Variants in PADI6 observed in about 807,000 individuals in gnomAD.
PADI6 encodes the protein peptidyl arginine deiminase 6, also known as inactive protein-arginine deiminase type-6.
PADI6 carries 66 observed loss-of-function variants against 78.2 expected under a neutral mutation model. The ratio of observed to expected loss-of-function variants is 0.84; its 90% CI spans 0.69 to 1.04. The LOEUF (loss-of-function observed/expected upper bound fraction) is 1.04. Ranked by LOEUF, PADI6 falls within the 50% of genes least tolerant of loss-of-function variation. PADI6 has a pLI of 0.00. For synonymous variants in PADI6, 397 were observed against 346.9 expected, an observed-to-expected ratio of 1.14 and a Z score of -1.60; for missense variants, 854 against 866.1, an observed-to-expected ratio of 0.99 and a Z score of 0.18.
intron 8 of PADI6, 50 bp downstream of exon 8, chr1:17,388,930 C>A (rs2075155050): frequency 7.0e-7 from 1 of 1,428,520 alleles, no homozygotes; most frequent in Non-Finnish European, 9.8e-7. Flanking sequence ...TAACTGGCAC[C>A]CTCTTCTTTC....
At chr1:17,398,311 G>A (rs1486128079) in intron 14 of PADI6, among the ~76,000 whole-genome samples, 1 of 152,176 alleles carries the variant, frequency 6.6e-6, no homozygotes, top group Non-Finnish European at 1.5e-5. Flanking sequence ...TGTTGGGTAT[G>A]TGTCTGAAGC....
chr1:17,401,650 C>T lies in PADI6; in HGVS notation c.*212C>T, dbSNP rs1439962469. On this transcript the variant is annotated 3_prime_UTR_variant, in exon 16 of 16. Coordinates refer to ENST00000619609, the MANE Select transcript of PADI6 (RefSeq NM_207421.4). ...GGGGAAAAGATGCAAAAGTGTTCAGCCAAGTGACGTTTACTAAATAGCCAA... is the reference window on the plus strand; with the variant it reads ...GGGGAAAAGATGCAAAAGTGTTCAGTCAAGTGACGTTTACTAAATAGCCAA... The T allele has an allele frequency of 5.2e-6, 3 of 573,724 alleles. No individual in the cohort carries two copies. Among genetic ancestry groups the T allele is most frequent in the Non-Finnish European group, 9.3e-6 (3 of 323,068 alleles). 35.5% of individuals were successfully genotyped at this position (573,724 alleles called of 1,614,324 possible).
At chr1:17,381,334 G>C (rs2075071159) in intron 5 of PADI6, among the ~76,000 whole-genome samples, 170 bp downstream of exon 5, 1 of 152,112 alleles carries the variant, frequency 6.6e-6, no homozygotes, top group South Asian at 2.1e-4. Flanking sequence ...TGTATAATTG[G>C]GTAAGAGAAG....
chr1:17,387,322 A>G (rs1348718410), intron 6 of PADI6, among the ~76,000 whole-genome samples: 1 of 152,076 alleles, frequency 6.6e-6, no homozygotes, highest in Non-Finnish European at 1.5e-5. Context: ...GTGCACACCT[A>G]TAGTCCTAGC....
intron 15 of PADI6, among the ~76,000 whole-genome samples, chr1:17,400,189 C>T (rs936679741): frequency 6.8e-6 from 1 of 146,850 alleles, no homozygotes; most frequent in Admixed American, 6.9e-5. Flanking sequence ...AAACCAAGAC[C>T]TTGTCTGATA....
chr1:17,396,968 C>T, intron 13 of PADI6, 103 bp from the exon 14 acceptor site: 2 of 1,064,754 alleles, frequency 1.9e-6, no homozygotes, highest in Non-Finnish European at 2.8e-6. Flanking sequence ...GGTCACTGGC[C>T]CAGGAATGCA....
rs747066917 is a variant in PADI6 at position 17,382,073 on chromosome 1, G to C, written c.660G>C (p.Ala220=). 2.5e-6 allele frequency: 4 copies of C among 1,613,808 alleles called. No homozygotes were observed. In the African/African-American group the frequency reaches 5.3e-5, roughly 22 times the overall value. Residue 220 remains alanine (A), a synonymous_variant, in exon 6 of 16, where the codon GCG becomes GCC. Transcript: ENST00000619609. ...LHTSKEESKK[A]RVYWPQKDNS... is the part of the protein sequence containing the mutation. ...CCTCCAAGGAAGAGTCGAAGAAGGC[G>C]AGAGTCTACTGGCCCCAAAGTGAGT...
At chr1:17,383,888 C>T (rs1260332169) in intron 6 of PADI6, among the ~76,000 whole-genome samples, 2 of 151,828 alleles carry the variant, frequency 1.3e-5, no homozygotes, top group African/African-American at 4.8e-5. Flanking sequence ...GGGGCTTATG[C>T]CTATAATCCC....
intron 10 of PADI6, 108 bp downstream of exon 10, chr1:17,394,190 A>AG (rs34075690): frequency 3.2e-6 from 5 of 1,539,200 alleles, no homozygotes; most frequent in Non-Finnish European, 3.6e-6. Context: ...GTGGCCTCTG[A>AG]GGGGGGAGGG....
Position 17,388,392 on chromosome 1 carries a change from A to C in PADI6, c.691A>C (p.Ser231Arg). The C allele has an allele frequency of 6.2e-7, 1 of 1,612,234 alleles. No individual in the cohort carries two copies. The highest frequency in any genetic ancestry group is 8.5e-7 in the Non-Finnish European group (1 of 1,179,174). ...TCTTTCTCTCCTAGAAGACAACTCC[A>C]GTACCTTTGAGTTGGTGCTGGGGCC... ...RVYWPQKDNS[S>R]TFELVLGPDQ... is the part of the protein sequence containing the mutation. The change falls in exon 7 of 16, where the codon AGT becomes CGT. Residue 231 changes from serine to arginine, a missense_variant. Coordinates refer to ENST00000619609, the MANE Select transcript of PADI6 (RefSeq NM_207421.4).
At chr1:17,379,436 T>C (rs2075051598) in intron 3 of PADI6, among the ~76,000 whole-genome samples, 1 of 152,094 alleles carries the variant, frequency 6.6e-6, no homozygotes, top group Non-Finnish European at 1.5e-5. Context: ...TTTGTATCTT[T>C]AGTAGAGATG....
chr1:17,389,819 C>G (rs1386596575), intron 8 of PADI6, among the ~76,000 whole-genome samples: 1 of 152,212 alleles, frequency 6.6e-6, no homozygotes, highest in Non-Finnish European at 1.5e-5. Flanking sequence ...CAGGAGCAGC[C>G]TTTAGTTGGG....
Position 17,381,163 on chromosome 1 carries a change from G to C in PADI6, c.552G>C (p.Glu184Asp). ...AAACCAAGAAAGTGATCTTTTCAGAGGGTAGGACCTCAGACTGTCTCTGCC... is the reference window on the plus strand; with the variant it reads ...AAACCAAGAAAGTGATCTTTTCAGACGGTAGGACCTCAGACTGTCTCTGCC... ...DKKTKKVIFS[E>D]EITNLSQMTL... The change falls in exon 5 of 16, where the codon GAG (glutamate) becomes GAC (aspartate). Residue 184 changes from glutamate (E) to aspartate (D), a missense_variant and splice_region_variant. Physicochemically the swap from Glu to Asp is conservative, Grantham distance 45. Transcript: ENST00000619609. 1.3e-6 allele frequency: 2 copies of C among 1,594,306 alleles called. No homozygotes were observed. Among genetic ancestry groups the C allele is most frequent in the Non-Finnish European group, 1.7e-6 (2 of 1,170,190 alleles).
At chr1:17,375,574 G>C in intron 3 of PADI6, 75 bp downstream of exon 3, 1 of 1,355,786 alleles carries the variant, frequency 7.4e-7, no homozygotes, top group Non-Finnish European at 1.0e-6. Flanking sequence ...ATTGTAGGAG[G>C]AGCCAAAAAA....
chr1:17,373,206 GC>G lies in PADI6; in HGVS notation c.270del (p.Ser91AlafsTer36). 1 of 1,613,948 alleles carries G rather than the reference GC, an allele frequency of 6.2e-7. No homozygotes were observed. The highest frequency in any genetic ancestry group is 8.5e-7 in the Non-Finnish European group (1 of 1,179,862). On this transcript the variant is annotated frameshift_variant, in exon 2 of 16. Transcript: ENST00000619609. LOFTEE classifies it high-confidence loss of function. ...PTYATVKMTS[P>X]SPSVDADKVS... The stretch of plus-strand genomic sequence containing the variant: ...CGTACGCCACAGTGAAGATGACATC[GC>G]CCAGCCCTTCCGTGGATGCGGATAA...
chr1:17,392,260 G>T, intron 9 of PADI6, 35 bp downstream of exon 9: 4 of 1,468,716 alleles, frequency 2.7e-6, no homozygotes, highest in East Asian at 2.5e-5. Flanking sequence ...CTGTCGGGGA[G>T]GGGTGGGGAG....
chr1:17,373,017 G>T (rs753679745), intron 1 of PADI6, 39 bp from the exon 2 acceptor site: 21 of 1,599,042 alleles, frequency 1.3e-5, no homozygotes, highest in Non-Finnish European at 1.8e-5. Context: ...CTGAGAAGGT[G>T]TTTGTGCCCT....
chr1:17,381,955 TC>T lies in PADI6; in HGVS notation c.554-11del. On this transcript the variant is annotated splice_polypyrimidine_tract_variant and intron_variant, in intron 5 of 15. Coordinates refer to ENST00000619609, the MANE Select transcript of PADI6 (RefSeq NM_207421.4). ...CAGACATTCCTTAACCTTTGCTTTG[TC>T]TTTTGCCCAGAAATAACGAATCTGT... 6.2e-7 allele frequency: 1 copy of T among 1,613,666 alleles called. No individual in the cohort carries two copies. The highest frequency in any genetic ancestry group is 8.5e-7 in the Non-Finnish European group (1 of 1,179,660).
intron 3 of PADI6, among the ~76,000 whole-genome samples, chr1:17,376,222 C>T (rs2075014774): frequency 6.6e-6 from 1 of 151,838 alleles, no homozygotes; most frequent in South Asian, 2.1e-4. Context: ...ATCCACCTGC[C>T]TCGGCCTCCC....
Sources: gnomAD v4.1 joint callset for allele counts (sites outside exome capture counted in the v4.1 genomes callset) on GRCh38, gnomAD v4.1.1 for gene constraint, MANE v1.5 for transcripts, NCBI Gene and HGNC (gene_info 2026-07-23, HGNC 2026-07-21) for gene names.